PCDHB4: variants seen among roughly 807,000 people sequenced by gnomAD.
PCDHB4 encodes the protein protocadherin beta-4.
For synonymous variants in PCDHB4, 482 were observed against 447.3 expected (o/e 1.08, Z -0.98); for missense variants, 1,063 against 1,007.0 (o/e 1.06, Z -0.75).
chr5:141,124,392 G>T lies in PCDHB4; in HGVS notation c.*6G>T. 3 of 1,581,450 alleles carry T rather than the reference G, an allele frequency of 1.9e-6. No homozygotes were observed. Among genetic ancestry groups the T allele is most frequent in the South Asian group, 1.2e-5 (1 of 86,332 alleles). ...ATAGCTTGGTATTCAGTTAAGTATT[G>T]TATTTAGTTCAGTGAACCGCCCGTT... On this transcript the variant is annotated 3_prime_UTR_variant, in exon 1 of 1. Coordinates refer to ENST00000194152, the MANE Select transcript of PCDHB4 (RefSeq NM_018938.4).
In PCDHB4 at chr5:141,123,129, T is replaced by C. The variant is rs1554274482; in HGVS notation, c.1131T>C (p.Asn377=). Residue 377 remains asparagine (N), a synonymous_variant, in exon 1 of 1, where the codon AAT becomes AAC. Coordinates refer to ENST00000194152, the MANE Select transcript of PCDHB4 (RefSeq NM_018938.4). ...FRIRDRDSGE[N]GKMICSIPDN... is the part of the protein sequence containing the mutation. ...TTCGAGATAGAGATTCCGGAGAAAA[T>C]GGAAAGATGATTTGCTCTATTCCAG... 5 of 1,613,728 alleles carry C rather than the reference T, an allele frequency of 3.1e-6. No homozygotes were observed. In the South Asian group the frequency reaches 5.5e-5, roughly 18 times the overall value.
At position 141,123,903 on chromosome 5, in the gene PCDHB4, C is replaced by G. The variant is rs782596153; in HGVS notation, c.1905C>G (p.Ala635=). ...GGCTGCTGAGCGAGCGCGACGCAGC[C>G]AAGCACAGGCTCGTGGTGCTTGTCA... The part of the protein sequence containing the change: ...TARLLSERDA[A]KHRLVVLVKD... Residue 635 remains alanine, a synonymous_variant, in exon 1 of 1, where the codon GCC becomes GCG. Transcript: ENST00000194152. The G allele has an allele frequency of 1.9e-6, 3 of 1,606,464 alleles. No individual in the cohort carries two copies. Among genetic ancestry groups the G allele is most frequent in the Non-Finnish European group, 2.5e-6 (3 of 1,179,680 alleles).
chr5:141,124,002 C>A lies in PCDHB4; in HGVS notation c.2004C>A (p.Pro668=). The part of the protein sequence containing the change: ...HVLLVDGFSQ[P]YLPLPEAAPA... ...TCCTGGTGGATGGCTTCTCCCAGCCCTACCTGCCTCTCCCTGAGGCGGCCC... is the reference window on the plus strand; with the variant it reads ...TCCTGGTGGATGGCTTCTCCCAGCCATACCTGCCTCTCCCTGAGGCGGCCC... Residue 668 remains proline, a synonymous_variant, in exon 1 of 1, where the codon CCC becomes CCA. Transcript: ENST00000194152. 1.2e-6 allele frequency: 2 copies of A among 1,605,000 alleles called. No individual in the cohort carries two copies. The highest frequency in any genetic ancestry group is 1.7e-6 in the Non-Finnish European group (2 of 1,179,720).
rs930370518 is a variant in PCDHB4, at chr5:141,123,023, A to G, written c.1025A>G (p.Asn342Ser). The change falls in exon 1 of 1, where the codon AAT (asparagine) becomes AGT (serine). Residue 342 changes from asparagine to serine, a missense_variant. Asn to Ser is a conservative substitution (Grantham distance 46). Transcript: ENST00000194152. ...VVIEVVDVNDNPPELIISSLT... is the reference protein window; with the variant it reads ...VVIEVVDVNDSPPELIISSLT... ...ATAGAGGTGGTGGATGTGAATGACAATCCCCCAGAACTTATCATATCTTCA... is the reference window on the plus strand; with the variant it reads ...ATAGAGGTGGTGGATGTGAATGACAGTCCCCCAGAACTTATCATATCTTCA... The G allele has an allele frequency of 6.2e-7, 1 of 1,613,962 alleles. No homozygotes were observed.
chr5:141,122,501 A>G lies in PCDHB4; in HGVS notation c.503A>G (p.Lys168Arg), dbSNP rs34350292. Reference protein sequence around the residue: ...DLDVGSNGLQKYTISPNSHFH... With the variant: ...DLDVGSNGLQRYTISPNSHFH... ...GATGTGGGCAGCAATGGTCTTCAAA[A>G]ATACACAATCAGCCCCAATTCTCAT... is the stretch of plus-strand genomic sequence containing the variant. Residue 168 changes from lysine to arginine, a missense_variant, in exon 1 of 1, where the codon AAA (lysine) becomes AGA (arginine). Transcript: ENST00000194152. 3.7e-3 allele frequency: 6,006 copies of G among 1,614,230 alleles called. 149 individuals are homozygous for G. In the African/African-American group the frequency reaches 0.059, roughly 16 times the overall value.
chr5:141,124,440 C>T lies in PCDHB4; in HGVS notation c.*54C>T. On this transcript the variant is annotated 3_prime_UTR_variant, in exon 1 of 1. Coordinates refer to ENST00000194152, the MANE Select transcript of PCDHB4 (RefSeq NM_018938.4). ...GTTAGTTTTGTCAAACTTCCCACTG[C>T]AATGCCTTTATTTAAAAAAATTGTC... The T allele has an allele frequency of 2.1e-6, 3 of 1,395,996 alleles. 1 individual carries two copies. In the South Asian group the frequency reaches 4.3e-5, roughly 20 times the overall value. The allele number at this position is 1,395,996 out of a possible 1,614,324, so 86.5% of individuals were successfully genotyped here.
Position 141,124,319 on chromosome 5 carries a change from T to G in PCDHB4, c.2321T>G (p.Leu774Trp), listed in dbSNP as rs782820006. ...KFLKPIFPNL[L>W]VQDTGREVKE... ...CTGAAGCCAATATTTCCTAATCTCTTGGTTCAGGACACCGGGAGGGAAGTT... is the reference window on the plus strand; with the variant it reads ...CTGAAGCCAATATTTCCTAATCTCTGGGTTCAGGACACCGGGAGGGAAGTT... The change falls in exon 1 of 1, where the codon TTG (leucine) becomes TGG (tryptophan). Residue 774 changes from leucine (L) to tryptophan (W), a missense_variant. Coordinates refer to ENST00000194152, the MANE Select transcript of PCDHB4 (RefSeq NM_018938.4). 1 of 1,614,106 alleles carries G rather than the reference T, an allele frequency of 6.2e-7. No individual in the cohort carries two copies. Among genetic ancestry groups the G allele is most frequent in the East Asian group, 2.2e-5 (1 of 44,872 alleles).
At position 141,125,182 on chromosome 5, in the gene PCDHB4, A is replaced by T. The variant is rs953003159; in HGVS notation, c.*796A>T. 1 of 152,158 alleles carries T rather than the reference A, an allele frequency of 6.6e-6. No individual in the cohort carries two copies. The highest frequency in any genetic ancestry group is 1.5e-5 in the Non-Finnish European group (1 of 68,016). The allele number at this position is 152,158 out of a possible 1,614,324, so 9.4% of individuals were successfully genotyped here. A position where few individuals can be genotyped will look rare whatever the true frequency, so the allele number is the denominator to read the frequency against. ...TGGCCTGATATCATCTTAAAAAAAA[A>T]TCTCAGAATCTGAAATAAGCCCTAA... On this transcript the variant is annotated 3_prime_UTR_variant, in exon 1 of 1. Transcript: ENST00000194152.
chr5:141,123,116 A>G lies in PCDHB4; in HGVS notation c.1118A>G (p.Asp373Gly). Residue 373 changes from aspartate to glycine, a missense_variant, in exon 1 of 1, where the codon GAT becomes GGT. Asp to Gly is a moderately conservative substitution (Grantham distance 94). Coordinates refer to ENST00000194152, the MANE Select transcript of PCDHB4 (RefSeq NM_018938.4). The part of the protein sequence containing the change: ...VVSIFRIRDR[D>G]SGENGKMICS... ...TCTATCTTCCGAATTCGAGATAGAG[A>G]TTCCGGAGAAAATGGAAAGATGATT... 1 of 1,613,984 alleles carries G rather than the reference A, an allele frequency of 6.2e-7. No individual in the cohort carries two copies. Among genetic ancestry groups the G allele is most frequent in the South Asian group, 1.1e-5 (1 of 91,042 alleles).
Position 141,124,272 on chromosome 5 carries a change from T to TG in PCDHB4, c.2277dup (p.Thr760AspfsTer3). ...ACGAGGTGTGTCTGACAGGAGACTC[T>TG]GGGACTGGTGAGTTCAAGTTCCTGA... On this transcript the variant is annotated frameshift_variant, in exon 1 of 1. Transcript: ENST00000194152. LOFTEE classifies it low-confidence loss of function (END_TRUNC). 1.2e-6 allele frequency: 2 copies of TG among 1,614,190 alleles called. No homozygotes were observed. The highest frequency in any genetic ancestry group is 1.7e-6 in the Non-Finnish European group (2 of 1,180,034).
In PCDHB4 at chr5:141,124,570, T is replaced by TTATACTGGATATTGAGTATGGATTTTCTC. The variant is rs1752380240; in HGVS notation, c.*189_*217dup. The TTATACTGGATATTGAGTATGGATTTTCTC allele has an allele frequency of 7.5e-6, 4 of 533,930 alleles. No homozygotes were observed. Among genetic ancestry groups the TTATACTGGATATTGAGTATGGATTTTCTC allele is most frequent in the Non-Finnish European group, 1.3e-5 (4 of 311,198 alleles). The allele number at this position is 533,930 out of a possible 1,614,324, so 33.1% of individuals were successfully genotyped here. On this transcript the variant is annotated 3_prime_UTR_variant, in exon 1 of 1. Coordinates refer to ENST00000194152, the MANE Select transcript of PCDHB4 (RefSeq NM_018938.4). Reference sequence around the variant, plus strand: ...TATTAATTGCACTTAACATTTTTAGTTATACTGGATATTGAGTATGGATTT... The same window carrying TTATACTGGATATTGAGTATGGATTTTCTC: ...TATTAATTGCACTTAACATTTTTAGTTATACTGGATATTGAGTATGGATTTTCTCTATACTGGATATTGAGTATGGATTT...
rs1242755348 is a variant in PCDHB4 at position 141,121,933 on chromosome 5, G to C, written c.-66G>C. On this transcript the variant is annotated 5_prime_UTR_variant, in exon 1 of 1. Transcript: ENST00000194152. ...GACGATTCCTCCAAGCAAGAAATTGGAATTGAATGTCTCAAGTCTCGTTGC... is the reference window on the plus strand; with the variant it reads ...GACGATTCCTCCAAGCAAGAAATTGCAATTGAATGTCTCAAGTCTCGTTGC... The C allele has an allele frequency of 7.0e-6, 8 of 1,137,734 alleles. No homozygotes were observed. In the African/African-American group the frequency reaches 7.8e-5, roughly 11 times the overall value. The allele number at this position is 1,137,734 out of a possible 1,614,324, so 70.5% of individuals were successfully genotyped here. A position where few individuals can be genotyped will look rare whatever the true frequency, so the allele number is the denominator to read the frequency against.
Position 141,123,084 on chromosome 5 carries a change from G to A in PCDHB4, c.1086G>A (p.Thr362=), listed in dbSNP as rs782200823. 12 of 1,613,474 alleles carry A rather than the reference G, an allele frequency of 7.4e-6. No homozygotes were observed. The Admixed American group carries it at 1.7e-4, about 22-fold the overall frequency. The change falls in exon 1 of 1, where the codon ACG becomes ACA. Residue 362 remains threonine (T), a synonymous_variant. Coordinates refer to ENST00000194152, the MANE Select transcript of PCDHB4 (RefSeq NM_018938.4). The stretch of plus-strand genomic sequence containing the variant: ...CCATCCCAGAAAATGCTCCTGAGAC[G>A]GTAGTCTCTATCTTCCGAATTCGAG... ...TSSIPENAPE[T]VVSIFRIRDR...
Position 141,123,842 on chromosome 5 carries a change from G to T in PCDHB4, c.1844G>T (p.Gly615Val). Residue 615 changes from glycine (G) to valine (V), a missense_variant, in exon 1 of 1, where the codon GGC becomes GTC. Gly to Val is a moderately radical substitution (Grantham distance 109). Transcript: ENST00000194152. ...LLKATEPGLFGVWAHNGEVRT... is the reference protein window; with the variant it reads ...LLKATEPGLFVVWAHNGEVRT... ...AAGGCCACGGAGCCTGGGCTGTTCG[G>T]CGTGTGGGCGCACAATGGCGAGGTG... 1.2e-6 allele frequency: 2 copies of T among 1,608,844 alleles called. No individual in the cohort carries two copies. The highest frequency in any genetic ancestry group is 8.5e-7 in the Non-Finnish European group (1 of 1,179,684).
Position 141,122,338 on chromosome 5 carries a change from CA to C in PCDHB4, c.342del (p.Gln114HisfsTer8). ...HFQVFLEMPV[Q>X]FFQGELLIQD... ...CCAAGTGTTCCTGGAAATGCCGGTG[CA>C]ATTTTTTCAAGGAGAATTATTGATC... On this transcript the variant is annotated frameshift_variant, in exon 1 of 1. Transcript: ENST00000194152. LOFTEE classifies it low-confidence loss of function (END_TRUNC). The C allele has an allele frequency of 6.2e-7, 1 of 1,614,018 alleles. No individual in the cohort carries two copies. The highest frequency in any genetic ancestry group is 8.5e-7 in the Non-Finnish European group (1 of 1,179,978).
chr5:141,123,205 G>T lies in PCDHB4; in HGVS notation c.1207G>T (p.Val403Leu). ...KPTLKNFYTLVTERPLDRETS... is the reference protein window; with the variant it reads ...KPTLKNFYTLLTERPLDRETS... Reference sequence around the variant, plus strand: ...AACTTTGAAGAATTTTTACACCCTGGTAACAGAGAGACCACTGGACCGAGA... The same window carrying T: ...AACTTTGAAGAATTTTTACACCCTGTTAACAGAGAGACCACTGGACCGAGA... The change falls in exon 1 of 1, where the codon GTA (valine) becomes TTA (leucine). Residue 403 changes from valine (V) to leucine (L), a missense_variant. Coordinates refer to ENST00000194152, the MANE Select transcript of PCDHB4 (RefSeq NM_018938.4). 1 of 1,614,090 alleles carries T rather than the reference G, an allele frequency of 6.2e-7. No homozygotes were observed. Among genetic ancestry groups the T allele is most frequent in the Non-Finnish European group, 8.5e-7 (1 of 1,180,014 alleles).
chr5:141,122,605 G>A lies in PCDHB4; in HGVS notation c.607G>A (p.Glu203Lys), dbSNP rs376318033. 5.0e-6 allele frequency: 8 copies of A among 1,614,082 alleles called. No individual in the cohort carries two copies. The highest frequency in any genetic ancestry group is 4.0e-5 in the African/African-American group (3 of 74,928). Residue 203 changes from glutamate (E) to lysine (K), a missense_variant, in exon 1 of 1, where the codon GAG (glutamate) becomes AAG (lysine). By Grantham distance (56) the Glu-to-Lys change is moderately conservative. Coordinates refer to ENST00000194152, the MANE Select transcript of PCDHB4 (RefSeq NM_018938.4). ...GCAGGACAAACCACTGGATCGAGAG[G>A]AGCAGCCTGAGTTCAGCTTAACCCT... ...LVQDKPLDRE[E>K]QPEFSLTLVA...
chr5:141,123,740 C>T lies in PCDHB4; in HGVS notation c.1742C>T (p.Pro581Leu). The change falls in exon 1 of 1, where the codon CCG becomes CTG. Residue 581 changes from proline (P) to leucine (L), a missense_variant. By Grantham distance (98) the Pro-to-Leu change is moderately conservative. Transcript: ENST00000194152. ...CTELVPRAAE[P>L]GYLVTKVVAV... ...GAGCTGGTGCCCCGGGCGGCCGAGC[C>T]GGGCTACCTGGTGACCAAGGTGGTG... The T allele has an allele frequency of 2.5e-6, 4 of 1,610,372 alleles. No homozygotes were observed. Among genetic ancestry groups the T allele is most frequent in the Non-Finnish European group, 3.4e-6 (4 of 1,179,578 alleles).
Position 141,123,238 on chromosome 5 carries a change from G to C in PCDHB4, c.1240G>C (p.Ala414Pro), listed in dbSNP as rs782062997. 9 of 1,614,138 alleles carry C rather than the reference G, an allele frequency of 5.6e-6. No individual in the cohort carries two copies. Among genetic ancestry groups the C allele is most frequent in the East Asian group, 2.2e-5 (1 of 44,878 alleles). Residue 414 changes from alanine (A) to proline (P), a missense_variant, in exon 1 of 1, where the codon GCT (alanine) becomes CCT (proline). By Grantham distance (27) the Ala-to-Pro change is conservative. Coordinates refer to ENST00000194152, the MANE Select transcript of PCDHB4 (RefSeq NM_018938.4). The stretch of plus-strand genomic sequence containing the variant: ...GAGACCACTGGACCGAGAGACCAGC[G>C]CTGAGTACAACATCACCATCGCCGT... The part of the protein sequence containing the change: ...TERPLDRETS[A>P]EYNITIAVTD...
Sources: allele counts gnomAD v4.1 joint callset, GRCh38; gene constraint gnomAD v4.1.1; transcripts MANE v1.5; gene names NCBI Gene and HGNC (gene_info 2026-07-23, HGNC 2026-07-21).